The following MAP3K11 variants were observed in gnomAD, a reference collection of about 807,000 sequenced individuals.
The protein encoded by MAP3K11 is SH3 domain-containing proline-rich kinase.
MAP3K11 carries 46 observed loss-of-function variants against 84.9 expected under a neutral mutation model. The ratio of observed to expected loss-of-function variants is 0.54; its 90% CI spans 0.43 to 0.69. The LOEUF is 0.69. MAP3K11 is among the 30% of genes least tolerant of loss of function. MAP3K11 has a pLI of 0.00. For missense variants in MAP3K11, 1,053 were observed against 1,198.3 expected (o/e 0.88, Z 1.79); for synonymous variants, 527 against 514.7 (o/e 1.02, Z -0.32).
chr11:65,606,037 G>C lies in MAP3K11; in HGVS notation c.1648C>G (p.Arg550Gly). The change falls in exon 7 of 10, where the codon CGA becomes GGA. Residue 550 changes from arginine to glycine, a missense_variant. Coordinates refer to ENST00000309100, the MANE Select transcript of MAP3K11 (RefSeq NM_002419.4). The part of the protein sequence containing the change: ...PGQAWGRQSP[R>G]RLEDSSNGER... Reference sequence around the variant, plus strand: ...CCATTGCTTGAGTCCTCCAGACGTCGGGGGGACTGGCGGCCCCATGCCTGG... The same window carrying C: ...CCATTGCTTGAGTCCTCCAGACGTCCGGGGGACTGGCGGCCCCATGCCTGG... 6.3e-7 allele frequency: 1 copy of C among 1,589,018 alleles called. No homozygotes were observed. Among genetic ancestry groups the C allele is most frequent in the Admixed American group, 1.8e-5 (1 of 54,388 alleles).
chr11:65,613,798 G>T lies in MAP3K11; in HGVS notation c.-42C>A. On this transcript the variant is annotated 5_prime_UTR_variant, in exon 1 of 10. Coordinates refer to ENST00000309100, the MANE Select transcript of MAP3K11 (RefSeq NM_002419.4). ...TGGGATGTGTGGAGGACCTTCTCTG[G>T]GTGCCCGTGGTCCCCACCCCCGCTG... The T allele has an allele frequency of 6.7e-7, 1 of 1,483,194 alleles. No individual in the cohort carries two copies. The highest frequency in any genetic ancestry group is 8.9e-7 in the Non-Finnish European group (1 of 1,121,992). The allele number at this position is 1,483,194 out of a possible 1,614,324, so 91.9% of individuals were successfully genotyped here.
Position 65,598,467 on chromosome 11 carries a change from G to C in MAP3K11, c.2368C>G (p.Pro790Ala), listed in dbSNP as rs1359522449. 1 of 1,613,290 alleles carries C rather than the reference G, an allele frequency of 6.2e-7. No individual in the cohort carries two copies. The highest frequency in any genetic ancestry group is 1.3e-5 in the African/African-American group (1 of 74,932). ...SFVSAGPRPS[P>A]LPSPQPAPRR... ...GGTGCAGGCTGTGGTGATGGCAGGG[G>C]AGAAGGCCGTGGCCCAGCTGACACA... Residue 790 changes from proline to alanine, a missense_variant, in exon 10 of 10, where the codon CCC becomes GCC. Transcript: ENST00000309100.
intron 1 of MAP3K11, 159 bp downstream of exon 1, chr11:65,612,855 CTGTT>C: frequency 2.9e-6 from 2 of 692,928 alleles, no homozygotes; most frequent in Non-Finnish European, 4.2e-6. Context: ...GCCTGGGGCT[CTGTT>C]TGGGGGCTAG....
intron 5 of MAP3K11, 73 bp downstream of exon 5, chr11:65,607,197 T>G (rs1453536137): frequency 5.0e-6 from 7 of 1,400,376 alleles, no homozygotes; most frequent in African/African-American, 4.6e-5. Context: ...CCCAGCGCGG[T>G]GAGCACACAG....
At chr11:65,607,569 C>T in intron 4 of MAP3K11, 56 bp from the exon 5 acceptor site, 1 of 1,549,830 alleles carries the variant, frequency 6.5e-7, no homozygotes, top group Non-Finnish European at 8.7e-7. Flanking sequence ...CCCGGCAGCG[C>T]CCGCCCCGAC....
chr11:65,606,849 G>T, intron 5 of MAP3K11, 45 bp from the exon 6 acceptor site: 1 of 1,317,138 alleles, frequency 7.6e-7, no homozygotes, highest in Non-Finnish European at 1.1e-6. Context: ...TTGTGATGAA[G>T]TAGAGCCAGG....
In MAP3K11 at chr11:65,597,896, C is replaced by G. The variant is rs1854398930; in HGVS notation, c.*395G>C. The G allele has an allele frequency of 2.8e-5, 5 of 178,234 alleles. No individual in the cohort carries two copies. 11.0% of individuals were successfully genotyped at this position (178,234 alleles called of 1,614,324 possible). On this transcript the variant is annotated 3_prime_UTR_variant, in exon 10 of 10. Transcript: ENST00000309100. ...ACCCCCAGGGCAGGAGGTCCATGCTCTAAGCCCTAGGGCAGGGGCCGCAGT... is the reference window on the plus strand; with the variant it reads ...ACCCCCAGGGCAGGAGGTCCATGCTGTAAGCCCTAGGGCAGGGGCCGCAGT...
At chr11:65,600,462 C>T (rs749783705) in intron 8 of MAP3K11, among the ~76,000 whole-genome samples, 31 of 152,158 alleles carry the variant, frequency 2.0e-4, no homozygotes, top group East Asian at 1.9e-4. Context: ...AGGGCTTGTG[C>T]GGAGCTGTAC....
At chr11:65,598,720 T>C (rs1001092586) in intron 9 of MAP3K11, 92 bp from the exon 10 acceptor site, 6 of 952,388 alleles carry the variant, frequency 6.3e-6, no homozygotes, top group African/African-American at 1.7e-5. Context: ...AGTTTCCCCA[T>C]GTGCACAGTG....
intron 8 of MAP3K11, among the ~76,000 whole-genome samples, chr11:65,600,220 G>C (rs1053430868): frequency 6.6e-6 from 1 of 151,994 alleles, no homozygotes; most frequent in Non-Finnish European, 1.5e-5. Context: ...CGCTCCAGCT[G>C]TAGCTTATAA....
chr11:65,613,277 G>A lies in MAP3K11; in HGVS notation c.480C>T (p.Ser160=), dbSNP rs765767167. 10 of 1,612,564 alleles carry A rather than the reference G, an allele frequency of 6.2e-6. No individual in the cohort carries two copies. The Admixed American group carries it at 6.7e-5, about 11-fold the overall frequency. The change falls in exon 1 of 10, where the codon AGC becomes AGT. Residue 160 remains serine, a synonymous_variant. Coordinates refer to ENST00000309100, the MANE Select transcript of MAP3K11 (RefSeq NM_002419.4). ...PDEDISVTAE[S]VRQEARLFAM... ...CGAAGAGCCGGGCCTCCTGGCGAAC[G>A]CTCTCGGCTGTCACACTGATGTCCT... is the stretch of plus-strand genomic sequence containing the variant.
intron 6 of MAP3K11, 106 bp downstream of exon 6, chr11:65,606,585 G>C: frequency 1.3e-6 from 1 of 773,654 alleles, no homozygotes. Context: ...GCCTGGGGGC[G>C]GGGAGGAAGA....
intron 8 of MAP3K11, 134 bp from the exon 9 acceptor site, chr11:65,599,902 C>A (rs1338141009): frequency 2.1e-6 from 2 of 933,308 alleles, no homozygotes; most frequent in Non-Finnish European, 3.2e-6. Flanking sequence ...CCACAGGTCC[C>A]ATGGCCTCCC....
intron 5 of MAP3K11, 129 bp from the exon 6 acceptor site, chr11:65,606,933 C>A (rs1953550603): frequency 3.2e-6 from 2 of 631,700 alleles, no homozygotes; most frequent in East Asian, 3.2e-5. Flanking sequence ...GAGACTGTGA[C>A]CAGCCTCACT....
At chr11:65,612,903 C>T (rs987578553) in intron 1 of MAP3K11, 115 bp downstream of exon 1, 1 of 1,257,768 alleles carries the variant, frequency 8.0e-7, no homozygotes, top group Non-Finnish European at 1.0e-6. Flanking sequence ...TCAGCTGGGA[C>T]CCCCTAGGGT....
intron 1 of MAP3K11, 75 bp from the exon 2 acceptor site, chr11:65,608,523 C>T: frequency 2.8e-6 from 4 of 1,412,048 alleles, no homozygotes; most frequent in Non-Finnish European, 4.0e-6. Context: ...GGAGCAAACT[C>T]ATCTGACGGA....
chr11:65,598,366 C>T lies in MAP3K11; in HGVS notation c.2469G>A (p.Gly823=). 6.5e-7 allele frequency: 1 copy of T among 1,542,758 alleles called. No homozygotes were observed. Among genetic ancestry groups the T allele is most frequent in the Non-Finnish European group, 8.8e-7 (1 of 1,142,590 alleles). Residue 823 remains glycine (G), a synonymous_variant, in exon 10 of 10, where the codon GGG becomes GGA. Coordinates refer to ENST00000309100, the MANE Select transcript of MAP3K11 (RefSeq NM_002419.4). ...WDSPPANPFQ[G]GPQDCRAQTK... ...TCTGTGCCCTGCAGTCCTGGGGGCCCCCCTGGAAGGGGTTGGCAGGTGGGG... is the reference window on the plus strand; with the variant it reads ...TCTGTGCCCTGCAGTCCTGGGGGCCTCCCTGGAAGGGGTTGGCAGGTGGGG...
At position 65,613,751 on chromosome 11, in the gene MAP3K11, C is replaced by T. The variant is rs1322379317; in HGVS notation, c.6G>A (p.Glu2=). 6 of 1,551,028 alleles carry T rather than the reference C, an allele frequency of 3.9e-6. No individual in the cohort carries two copies. The highest frequency in any genetic ancestry group is 5.2e-6 in the Non-Finnish European group (6 of 1,150,392). M[E]PLKSLFLKSP... is the part of the protein sequence containing the mutation. ...TCTTGAGGAAGAGGCTCTTCAAGGG[C>T]TCCATGGCCGGGAGCCGGCGCTGGG... Residue 2 remains glutamate (E), a synonymous_variant, in exon 1 of 10, where the codon GAG becomes GAA. Transcript: ENST00000309100.
intron 8 of MAP3K11, among the ~76,000 whole-genome samples, chr11:65,603,629 C>T (rs905937085): frequency 1.7e-4 from 26 of 152,168 alleles, no homozygotes; most frequent in Admixed American, 1.2e-3. Flanking sequence ...AGCTGGGTTT[C>T]GGGGGGTGGC....
Sources: allele counts gnomAD v4.1 joint callset (sites outside exome capture counted in the v4.1 genomes callset), GRCh38; gene constraint gnomAD v4.1.1; transcripts MANE v1.5; gene names NCBI Gene and HGNC (gene_info 2026-07-23, HGNC 2026-07-21).